ABCA10: variants seen among roughly 807,000 people sequenced by gnomAD.
ABCA10 encodes ATP binding cassette subfamily A member 10, also known as ATP-binding cassette sub-family A member 10.
Under a neutral mutation model 187.5 loss-of-function variants are expected in ABCA10, and 169 were observed. The ratio of observed to expected loss-of-function variants is 0.90; its 90% CI spans 0.80 to 1.02. ABCA10 has a LOEUF of 1.02. Ranked by LOEUF, ABCA10 falls within the 50% of genes least tolerant of loss-of-function variation. The probability of loss-of-function intolerance (pLI) is 0.00; values close to 1 mark genes in which losing one functional copy is unlikely to be tolerated. For missense variants in ABCA10, 1,727 were observed against 1,812.4 expected (o/e 0.95, Z 0.86); for synonymous variants, 574 against 601.8 (o/e 0.95, Z 0.68).
In ABCA10 at chr17:69,191,275, A is replaced by T; in HGVS notation, c.1912T>A (p.Ser638Thr). 6.2e-7 allele frequency: 1 copy of T among 1,603,724 alleles called. No homozygotes were observed. ...NEMCDTEKIT[S>T]LIKQHIPDAK... ...TCAGGAATGTGCTGCTTAATAAGGG[A>T]TGTGATTTTTTCTGTGTCACACATT... The change falls in exon 17 of 39, where the codon TCC (serine) becomes ACC (threonine). Residue 638 changes from serine to threonine, a missense_variant. Physicochemically the swap from Ser to Thr is moderately conservative, Grantham distance 58. Transcript: ENST00000690296.
At chr17:69,190,558 A>C in intron 17 of ABCA10, 81 bp from the exon 18 acceptor site, 1 of 1,267,956 alleles carries the variant, frequency 7.9e-7, no homozygotes, top group Middle Eastern at 2.5e-4. Flanking sequence ...AATATTACTC[A>C]AAATAGATGT....
chr17:69,216,080 G>A, intron 7 of ABCA10, 80 bp from the exon 8 acceptor site: 1 of 1,556,210 alleles, frequency 6.4e-7, no homozygotes, highest in Non-Finnish European at 8.7e-7. Context: ...TTCTCACATT[G>A]TCAAAAATTT....
At chr17:69,158,342 A>T (rs191166802) in intron 27 of ABCA10, among the ~76,000 whole-genome samples, 2 of 152,108 alleles carry the variant, frequency 1.3e-5, no homozygotes, top group Admixed American at 1.3e-4. Context: ...AAAATGCAAG[A>T]TAAGAATCTG....
intron 29 of ABCA10, 75 bp from the exon 30 acceptor site, chr17:69,155,211 C>T (rs1013071736): frequency 4.1e-6 from 5 of 1,219,242 alleles, no homozygotes; most frequent in Non-Finnish European, 5.9e-6. Flanking sequence ...ATTTTCCATT[C>T]CCTAGTCTAT....
At chr17:69,225,894 A>G (rs534613901) in intron 2 of ABCA10, among the ~76,000 whole-genome samples, 1 of 152,230 alleles carries the variant, frequency 6.6e-6, no homozygotes, top group East Asian at 1.9e-4. Flanking sequence ...TTTTAGATCC[A>G]GCTCACTGCT....
rs377170265 is a variant in ABCA10 at position 69,197,383 on chromosome 17, G to GA, written c.1176-262dup. Among the ~76,000 whole-genome samples, 468 of 141,986 alleles carry GA rather than the reference G, an allele frequency of 3.3e-3. 3 individuals carry two copies. Among genetic ancestry groups the GA allele is most frequent in the East Asian group, 7.5e-3 (37 of 4,958 alleles). 93.1% of individuals were successfully genotyped at this position (141,986 alleles called of 152,430 possible). On this transcript the variant is annotated intron_variant, in intron 10 of 38. Transcript: ENST00000690296. ...AAATAAATAAGGGAAAGCTAAAATT[G>GA]AAAAAAAAAAGAAGGAAAGAAGGAA...
chr17:69,206,155 GA>G (rs58521039), intron 9 of ABCA10, among the ~76,000 whole-genome samples: 14,558 of 152,154 alleles, frequency 0.096, 2,409 homozygotes, highest in African/African-American at 0.33. Flanking sequence ...TCATGTTGTA[GA>G]AACTTACATT....
intron 25 of ABCA10, among the ~76,000 whole-genome samples, chr17:69,165,330 A>G (rs977721308): frequency 6.6e-5 from 10 of 152,080 alleles, no homozygotes; most frequent in African/African-American, 1.2e-4. Context: ...GATAAACAGC[A>G]ACAATAAAAG....
chr17:69,177,971 A>ATATATATATATATATATATATGTT (rs1480621345), intron 22 of ABCA10, among the ~76,000 whole-genome samples: 5 of 56,946 alleles, frequency 8.8e-5, no homozygotes, highest in Non-Finnish European at 2.1e-4. Context: ...AAAAAAAAAA[A>ATATATATATATATATATATATGTT]AAATATATAT....
intron 25 of ABCA10, among the ~76,000 whole-genome samples, chr17:69,167,902 C>T (rs189660999): frequency 6.6e-6 from 1 of 152,094 alleles, no homozygotes. Context: ...TAAAGTTACA[C>T]CATGTGTGTC....
At chr17:69,211,305 CATATATATGATATATATATATATATAT>C (rs1159862112) in intron 9 of ABCA10, among the ~76,000 whole-genome samples, 6 of 9,730 alleles carry the variant, frequency 6.2e-4, no homozygotes, top group African/African-American at 2.9e-3. Flanking sequence ...ATATATACAT[CATATATATGATATATATATATATATAT>C]ATATATATAT....
intron 27 of ABCA10, among the ~76,000 whole-genome samples, chr17:69,159,999 G>T (rs1175391171): frequency 1.3e-5 from 2 of 151,940 alleles, no homozygotes; most frequent in Non-Finnish European, 2.9e-5. Context: ...ACTCAAAATG[G>T]ATCAAAGACC....
intron 9 of ABCA10, among the ~76,000 whole-genome samples, chr17:69,204,393 C>T (rs1433656094): frequency 6.6e-6 from 1 of 152,128 alleles, no homozygotes; most frequent in Admixed American, 6.5e-5. Context: ...GACAATATGG[C>T]TGTGGACAAA....
At chr17:69,201,866 C>T (rs1217673915) in intron 9 of ABCA10, among the ~76,000 whole-genome samples, 198 bp from the exon 10 acceptor site, 1 of 152,100 alleles carries the variant, frequency 6.6e-6, no homozygotes, top group African/African-American at 2.4e-5. Flanking sequence ...CTCACCGCAA[C>T]CTCCGCCTCC....
chr17:69,212,438 T>G (rs894616123), intron 9 of ABCA10, among the ~76,000 whole-genome samples: 2 of 152,214 alleles, frequency 1.3e-5, no homozygotes, highest in Admixed American at 6.5e-5. Flanking sequence ...AGAATGTATA[T>G]TCTGCAGTTG....
chr17:69,158,540 A>C (rs955202197), intron 27 of ABCA10, among the ~76,000 whole-genome samples: 2 of 151,944 alleles, frequency 1.3e-5, no homozygotes, highest in Non-Finnish European at 2.9e-5. Context: ...TAAAAATATA[A>C]AATAAAATAC....
At chr17:69,155,684 G>A (rs1253298483) in intron 29 of ABCA10, 121 bp downstream of exon 29, 4 of 1,260,674 alleles carry the variant, frequency 3.2e-6, no homozygotes, top group African/African-American at 3.0e-5. Flanking sequence ...TTGAATATAA[G>A]CTATAAATAG....
intron 31 of ABCA10, 112 bp from the exon 32 acceptor site, chr17:69,154,121 G>T (rs577453947): frequency 2.2e-4 from 315 of 1,456,398 alleles, no homozygotes; most frequent in Non-Finnish European, 2.7e-4. Flanking sequence ...ATACGCAAGA[G>T]AAATTTTATA....
In ABCA10 at chr17:69,154,000, G is replaced by A; in HGVS notation, c.3796C>T (p.Gln1266Ter). The stretch of plus-strand genomic sequence containing the variant: ...TGCCTTACTGATGCTCTGCTGCCTT[G>A]TAACACCACCTGCACAAGACAATGA... ...TKPTAGVVVL[Q>*]GSRASVRQQH... Residue 1266 changes from glutamine (Q) to a stop codon, truncating the protein, a stop_gained, in exon 32 of 39, where the codon CAA (glutamine) becomes TAA (stop). Coordinates refer to ENST00000690296, the MANE Select transcript of ABCA10 (RefSeq NM_001377321.1). LOFTEE classifies it high-confidence loss of function. 6.2e-7 allele frequency: 1 copy of A among 1,613,566 alleles called. No homozygotes were observed. Among genetic ancestry groups the A allele is most frequent in the Non-Finnish European group, 8.5e-7 (1 of 1,179,734 alleles).
Sources: gnomAD v4.1 joint callset for allele counts (sites outside exome capture counted in the v4.1 genomes callset) on GRCh38, gnomAD v4.1.1 for gene constraint, MANE v1.5 for transcripts, NCBI Gene and HGNC (gene_info 2026-07-23, HGNC 2026-07-21) for gene names.